SH3RF3: variants seen among roughly 807,000 people sequenced by gnomAD.
SH3RF3 encodes the protein E3 ubiquitin-protein ligase SH3RF3.
SH3RF3 carries 29 observed loss-of-function variants against 66.3 expected under a neutral mutation model. The observed-to-expected ratio is 0.44, with a 90% confidence interval of 0.33 to 0.60. The LOEUF (loss-of-function observed/expected upper bound fraction) is 0.60, where lower values mean the gene tolerates loss of function less well. SH3RF3 is among the 20% of genes least tolerant of loss of function. The probability of loss-of-function intolerance (pLI) is 0.04; values close to 1 mark genes in which losing one functional copy is unlikely to be tolerated. For missense variants in SH3RF3, 1,194 were observed against 1,190.9 expected (o/e 1.00, Z -0.04); for synonymous variants, 583 against 532.0 (o/e 1.10, Z -1.32).
chr2:109,378,166 C>T (rs564596657), intron 3 of SH3RF3, among the ~76,000 whole-genome samples: 12 of 152,352 alleles, frequency 7.9e-5, no homozygotes, highest in South Asian at 4.1e-4. Context: ...CTCTCTCCTC[C>T]GCAGCACCTC....
At chr2:109,343,944 G>A (rs1399327811) in intron 1 of SH3RF3, among the ~76,000 whole-genome samples, 5 of 152,008 alleles carry the variant, frequency 3.3e-5, no homozygotes, top group Admixed American at 1.3e-4. Flanking sequence ...GGGTCTCAGC[G>A]TGTTGCCCAG....
intron 1 of SH3RF3, among the ~76,000 whole-genome samples, chr2:109,167,770 G>A (rs185216217): frequency 3.3e-5 from 5 of 152,058 alleles, no homozygotes; most frequent in Non-Finnish European, 5.9e-5. Context: ...GTGGGATTGC[G>A]CCATGTTAGC....
At chr2:109,370,245 C>CT (rs550342012) in intron 2 of SH3RF3, among the ~76,000 whole-genome samples, 18,222 of 142,734 alleles carry the variant, frequency 0.13, 1,332 homozygotes, top group Middle Eastern at 0.24. Context: ...CTCTCTTTTT[C>CT]TTTTTTTTTT....
At chr2:109,385,359 CCT>C (rs2104392831) in intron 3 of SH3RF3, among the ~76,000 whole-genome samples, 1 of 152,312 alleles carries the variant, frequency 6.6e-6, no homozygotes, top group African/African-American at 2.4e-5. Flanking sequence ...CCCAGTGTCC[CCT>C]GAGTCACCTC....
intron 5 of SH3RF3, among the ~76,000 whole-genome samples, chr2:109,423,597 G>A (rs960955698): frequency 4.6e-5 from 7 of 152,080 alleles, no homozygotes; most frequent in Admixed American, 6.6e-5. Flanking sequence ...AATAAGACTC[G>A]GTAAAATAAG....
At chr2:109,405,259 T>C (rs1447035456) in intron 4 of SH3RF3, among the ~76,000 whole-genome samples, 1 of 152,184 alleles carries the variant, frequency 6.6e-6, no homozygotes, top group Admixed American at 6.5e-5. Context: ...GCAAACCTGC[T>C]TCCCCTTCTG....
At chr2:109,464,398 CAA>C (rs770198178) in intron 8 of SH3RF3, among the ~76,000 whole-genome samples, 3 of 152,276 alleles carry the variant, frequency 2.0e-5, no homozygotes, top group Admixed American at 6.5e-5. Context: ...GAATACATAA[CAA>C]AAATACACAT....
intron 8 of SH3RF3, among the ~76,000 whole-genome samples, chr2:109,465,345 G>A (rs1678313240): frequency 6.6e-6 from 1 of 152,202 alleles, no homozygotes; most frequent in Non-Finnish European, 1.5e-5. Flanking sequence ...GATTTTAGGA[G>A]TATGTAAGAG....
chr2:109,129,352 TCCCCGCC>T lies in SH3RF3; in HGVS notation c.-188_-182del, dbSNP rs1676619769. 1.0e-5 allele frequency: 9 copies of T among 871,220 alleles called. No homozygotes were observed. Among genetic ancestry groups the T allele is most frequent in the Non-Finnish European group, 1.6e-5 (9 of 568,834 alleles). 54.0% of individuals were successfully genotyped at this position (871,220 alleles called of 1,614,324 possible). A position where few individuals can be genotyped will look rare whatever the true frequency, so the allele number is the denominator to read the frequency against. Reference sequence around the variant, plus strand: ...GGCCGGTCCCCGCCACGCAGGCCGGTCCCCGCCACGCAGGCCGGTCGGTGAGCCACTT... The same window carrying T: ...GGCCGGTCCCCGCCACGCAGGCCGGTACGCAGGCCGGTCGGTGAGCCACTT... On this transcript the variant is annotated 5_prime_UTR_variant, in exon 1 of 10. Transcript: ENST00000309415.
At position 109,129,399 on chromosome 2, in the gene SH3RF3, C is replaced by T. The variant is rs1178636522; in HGVS notation, c.-142C>T. The T allele has an allele frequency of 4.3e-6, 6 of 1,385,206 alleles. No individual in the cohort carries two copies. Among genetic ancestry groups the T allele is most frequent in the East Asian group, 2.8e-5 (1 of 35,364 alleles). 85.8% of individuals were successfully genotyped at this position (1,385,206 alleles called of 1,614,324 possible). On this transcript the variant is annotated 5_prime_UTR_variant, in exon 1 of 10. Coordinates refer to ENST00000309415, the MANE Select transcript of SH3RF3 (RefSeq NM_001099289.3). ...GTGAGCCACTTCGCACCGCCACAGCCCTAGCATCGGGCCACCAGCCGGGGT... is the reference window on the plus strand; with the variant it reads ...GTGAGCCACTTCGCACCGCCACAGCTCTAGCATCGGGCCACCAGCCGGGGT...
chr2:109,140,785 T>C (rs909034631), intron 1 of SH3RF3, among the ~76,000 whole-genome samples: 2 of 152,252 alleles, frequency 1.3e-5, no homozygotes, highest in African/African-American at 4.8e-5. Context: ...ATATGATTGA[T>C]GTTAAAGGTA....
intron 1 of SH3RF3, chr2:109,251,424 G>A (rs1025066064): frequency 1.4e-6 from 1 of 707,352 alleles, no homozygotes; most frequent in Non-Finnish European, 2.7e-6. Context: ...TAGACACCAT[G>A]AGCAAAGCTC....
intron 1 of SH3RF3, among the ~76,000 whole-genome samples, chr2:109,296,885 T>C (rs980521712): frequency 6.6e-6 from 1 of 151,884 alleles, no homozygotes; most frequent in African/African-American, 2.4e-5. Context: ...TTGCCAGATG[T>C]TATTTTGAGT....
At position 109,490,716 on chromosome 2, in the gene SH3RF3, G is replaced by A. The variant is rs546823177; in HGVS notation, c.2260G>A (p.Ala754Thr). 3.4e-5 allele frequency: 52 copies of A among 1,534,674 alleles called. No homozygotes were observed. The highest frequency in any genetic ancestry group is 2.3e-4 in the South Asian group (19 of 83,868). Residue 754 changes from alanine to threonine, a missense_variant, in exon 9 of 10, where the codon GCC becomes ACC. By Grantham distance (58) the Ala-to-Thr change is moderately conservative (BLOSUM62 0). Coordinates refer to ENST00000309415, the MANE Select transcript of SH3RF3 (RefSeq NM_001099289.3). ...CCACGACCCCCAGGTGGCCGTGGAC[G>A]CCCTGCTCCAAGGTGCAGTGGGCCC... ...PTHDPQVAVD[A>T]LLQGAVGPEV...
intron 1 of SH3RF3, among the ~76,000 whole-genome samples, chr2:109,198,932 A>G (rs1158550096): frequency 1.3e-5 from 2 of 152,230 alleles, no homozygotes; most frequent in Non-Finnish European, 2.9e-5. Flanking sequence ...AAGGTACAGT[A>G]AAAATACAGT....
chr2:109,212,123 G>C (rs1000340647), intron 1 of SH3RF3, among the ~76,000 whole-genome samples: 2 of 152,216 alleles, frequency 1.3e-5, no homozygotes, highest in African/African-American at 2.4e-5. Flanking sequence ...GCCGGGCAAT[G>C]GTCCGAATCG....
chr2:109,209,923 A>G (rs766006229), intron 1 of SH3RF3, among the ~76,000 whole-genome samples: 3 of 152,146 alleles, frequency 2.0e-5, no homozygotes, highest in Admixed American at 6.6e-5. Context: ...CACTGCCACT[A>G]TTTCTGAGCA....
At chr2:109,249,228 C>T (rs2105248588) in intron 1 of SH3RF3, among the ~76,000 whole-genome samples, 1 of 152,348 alleles carries the variant, frequency 6.6e-6, no homozygotes, top group Admixed American at 6.5e-5. Flanking sequence ...CCCCCGACTC[C>T]TACCCTGTTC....
Position 109,259,868 on chromosome 2 carries a change from G to A in SH3RF3, c.574-87806G>A, listed in dbSNP as rs556607427. ...TGTTTGGACAGCCTCTGGGCCGGGCGCTGTGGGGATGGCTCTGGAAACTGT... is the reference window on the plus strand; with the variant it reads ...TGTTTGGACAGCCTCTGGGCCGGGCACTGTGGGGATGGCTCTGGAAACTGT... On this transcript the variant is annotated intron_variant, in intron 1 of 9. Transcript: ENST00000309415. Among the ~76,000 whole-genome samples the A allele has an allele frequency of 3.9e-5, 6 of 152,276 alleles. No homozygotes were observed. The East Asian group carries it at 5.8e-4, about 15-fold the overall frequency.
Sources: gnomAD v4.1 joint callset for allele counts (sites outside exome capture counted in the v4.1 genomes callset) on GRCh38, gnomAD v4.1.1 for gene constraint, MANE v1.5 for transcripts, NCBI Gene and HGNC (gene_info 2026-07-23, HGNC 2026-07-21) for gene names.